The following IL15 variants were observed in gnomAD, a reference collection of about 807,000 sequenced individuals.
The protein encoded by IL15 is interleukin-15.
A neutral mutation model predicts 19.6 loss-of-function variants in IL15; 11 were observed. The observed-to-expected ratio is 0.56, with a 90% CI of 0.35 to 0.93. The LOEUF is 0.93. IL15 is among the 40% of genes least tolerant of loss of function. The probability of loss-of-function intolerance (pLI) is 0.01; values close to 1 mark genes in which losing one functional copy is unlikely to be tolerated. For missense variants in IL15, 197 were observed against 186.5 expected, an observed-to-expected ratio of 1.06 and a Z score of -0.33; for synonymous variants, 58 against 59.6, an observed-to-expected ratio of 0.97 and a Z score of 0.12.
chr4:141,686,920 A>T (rs1484674479), intron 2 of IL15, among the ~76,000 whole-genome samples: 1 of 152,250 alleles, frequency 6.6e-6, no homozygotes, highest in East Asian at 1.9e-4. Context: ...TAATAATTTT[A>T]AATATTTTCT....
chr4:141,655,818 CTT>C (rs1429859091), intron 1 of IL15, among the ~76,000 whole-genome samples: 1 of 152,166 alleles, frequency 6.6e-6, no homozygotes, highest in Non-Finnish European at 1.5e-5. Flanking sequence ...TGGTCAATAA[CTT>C]AATATCAAAC....
At chr4:141,728,012 A>AT in intron 6 of IL15, 28 bp downstream of exon 6, 2 of 1,100,408 alleles carry the variant, frequency 1.8e-6, no homozygotes, top group Non-Finnish European at 2.7e-6. Flanking sequence ...CAAAATTGCT[A>AT]TTTGTCTTGT....
intron 2 of IL15, among the ~76,000 whole-genome samples, chr4:141,673,687 A>G (rs1420392535): frequency 6.6e-6 from 1 of 152,144 alleles, no homozygotes; most frequent in Admixed American, 6.5e-5. Flanking sequence ...ATTTCAACTC[A>G]CCTTCTGTAG....
chr4:141,691,728 C>G (rs1728918210), intron 2 of IL15, among the ~76,000 whole-genome samples: 2 of 152,222 alleles, frequency 1.3e-5, no homozygotes. Flanking sequence ...CTCCCAAGAC[C>G]TTGGGCATCC....
chr4:141,643,001 C>A (rs1727103388), intron 1 of IL15, among the ~76,000 whole-genome samples: 1 of 152,034 alleles, frequency 6.6e-6, no homozygotes, highest in South Asian at 2.1e-4. Context: ...AGGTAGGAAA[C>A]ATAAGTAATA....
intron 2 of IL15, among the ~76,000 whole-genome samples, chr4:141,664,729 A>G (rs1727912313): frequency 6.6e-6 from 1 of 152,228 alleles, no homozygotes; most frequent in Non-Finnish European, 1.5e-5. Context: ...AAGGAAGCAC[A>G]AGAATGAATA....
intron 2 of IL15, among the ~76,000 whole-genome samples, chr4:141,709,268 G>A (rs1331127571): frequency 2.0e-5 from 3 of 152,072 alleles, no homozygotes; most frequent in East Asian, 1.9e-4. Flanking sequence ...GGTCATAGAT[G>A]ACCTTTTACA....
Position 141,673,080 on chromosome 4 carries a change from A to C in IL15, c.-100+16773A>C, listed in dbSNP as rs114238994. On this transcript the variant is annotated intron_variant, in intron 2 of 7. Coordinates refer to ENST00000320650, the MANE Select transcript of IL15 (RefSeq NM_000585.5). ...GAGAGGCGTGATGCTGACTTTGACC[A>C]TGTTTATACCTTCACTTCTTAGCAC... 1.4e-3 allele frequency among the ~76,000 whole-genome samples: 215 copies of C among 152,330 alleles called. 2 individuals are homozygous for C. The highest frequency in any genetic ancestry group is 5.0e-3 in the African/African-American group (208 of 41,588).
chr4:141,705,689 A>G (rs1729489953), intron 2 of IL15, among the ~76,000 whole-genome samples: 1 of 152,030 alleles, frequency 6.6e-6, no homozygotes, highest in Non-Finnish European at 1.5e-5. Context: ...GCCCTCTACT[A>G]TTATTGTATT....
rs188927473 is a variant in IL15 at position 141,688,374 on chromosome 4, G to A, written c.-99-30992G>A. Among the ~76,000 whole-genome samples the A allele has an allele frequency of 5.9e-5, 9 of 152,256 alleles. No homozygotes were observed. The East Asian group carries it at 1.7e-3, about 29-fold the overall frequency. On this transcript the variant is annotated intron_variant, in intron 2 of 7. Transcript: ENST00000320650. The stretch of plus-strand genomic sequence containing the variant: ...AGAGGCAATAATGTGTTAAATAACA[G>A]CTTCTCTGGGGATGAGGGAGGAGAT...
chr4:141,730,081 CAGG>C (rs1263961763), intron 7 of IL15, 97 bp downstream of exon 7: 1 of 934,934 alleles, frequency 1.1e-6, no homozygotes, highest in African/African-American at 1.6e-5. Flanking sequence ...AAGGGGCAAT[CAGG>C]AGAAGGAGTC....
At chr4:141,707,574 C>T (rs887975435) in intron 2 of IL15, among the ~76,000 whole-genome samples, 6 of 151,938 alleles carry the variant, frequency 3.9e-5, no homozygotes, top group African/African-American at 1.2e-4. Flanking sequence ...TAGATAAATC[C>T]TAGGGTATAA....
At position 141,733,557 on chromosome 4, in the gene IL15, C is replaced by T. The variant is rs541577493; in HGVS notation, c.*709C>T. On this transcript the variant is annotated 3_prime_UTR_variant, in exon 8 of 8. Transcript: ENST00000320650. ...AGCTTGTCCAATCACGGATTGCAGGCCACATGCGGCCCAGGACAACTTTGA... is the reference window on the plus strand; with the variant it reads ...AGCTTGTCCAATCACGGATTGCAGGTCACATGCGGCCCAGGACAACTTTGA... 6.6e-6 allele frequency: 1 copy of T among 152,260 alleles called. No individual in the cohort carries two copies. The highest frequency in any genetic ancestry group is 2.1e-4 in the South Asian group (1 of 4,812). 9.4% of individuals were successfully genotyped at this position (152,260 alleles called of 1,614,324 possible).
intron 6 of IL15, among the ~76,000 whole-genome samples, chr4:141,729,470 A>C (rs1450188940): frequency 6.6e-6 from 1 of 152,176 alleles, no homozygotes; most frequent in Non-Finnish European, 1.5e-5. Context: ...AAATGTTAAC[A>C]ACACAATTTG....
intron 1 of IL15, among the ~76,000 whole-genome samples, chr4:141,650,891 G>C (rs1727380878): frequency 6.6e-6 from 1 of 152,056 alleles, no homozygotes; most frequent in Non-Finnish European, 1.5e-5. Flanking sequence ...CTGTTTAAAG[G>C]CAGAATCAAG....
intron 2 of IL15, among the ~76,000 whole-genome samples, chr4:141,686,209 C>T (rs887794852): frequency 3.3e-5 from 5 of 152,034 alleles, no homozygotes; most frequent in East Asian, 1.9e-4. Flanking sequence ...GGAGGAGAAT[C>T]GCTTGAGCCC....
At chr4:141,723,624 C>G (rs1176417369) in intron 5 of IL15, among the ~76,000 whole-genome samples, 1 of 152,194 alleles carries the variant, frequency 6.6e-6, no homozygotes, top group Non-Finnish European at 1.5e-5. Flanking sequence ...TAGTTTATTA[C>G]AGCAGCTCTA....
chr4:141,653,129 ACTGGAAAAT>A (rs1457296799), intron 1 of IL15, among the ~76,000 whole-genome samples: 1 of 152,154 alleles, frequency 6.6e-6, no homozygotes, highest in Admixed American at 6.5e-5. Flanking sequence ...AAGAGGCACC[ACTGGAAAAT>A]TGTTTAGTAA....
intron 2 of IL15, among the ~76,000 whole-genome samples, chr4:141,711,332 T>C (rs1275345606): frequency 6.6e-6 from 1 of 152,082 alleles, no homozygotes; most frequent in African/African-American, 2.4e-5. Flanking sequence ...ATTGGCGAGA[T>C]GAATGTAGCA....
Sources: gnomAD v4.1 joint callset for allele counts (sites outside exome capture counted in the v4.1 genomes callset) on GRCh38, gnomAD v4.1.1 for gene constraint, MANE v1.5 for transcripts, NCBI Gene and HGNC (gene_info 2026-07-23, HGNC 2026-07-21) for gene names.